BTBD8: variants seen among roughly 807,000 people sequenced by gnomAD.
The protein encoded by BTBD8 is BTB domain containing 8.
BTBD8 carries 110 observed loss-of-function variants against 162.9 expected under a neutral mutation model. That is an observed-to-expected ratio of 0.68 (90% CI 0.58 to 0.79). BTBD8 has a LOEUF of 0.79. Ranked by LOEUF, BTBD8 falls within the 30% of genes least tolerant of loss-of-function variation. The pLI is 0.00. For missense variants in BTBD8, 1,905 were observed against 2,085.4 expected, an observed-to-expected ratio of 0.91 and a Z score of 1.68; for synonymous variants, 667 against 716.1, an observed-to-expected ratio of 0.93 and a Z score of 1.10.
At position 92,088,773 on chromosome 1, in the gene BTBD8, CCTTTTAGCA is replaced by C. The variant is rs1377615562; in HGVS notation, c.226_234del (p.Leu76_Ala78del). ...CTTTGTTCAAAGCACACAAAGCAGT[CCTTTTAGCA>C]AGAGTTCCTGACTTCTATTTTCATA... On this transcript the variant is annotated inframe_deletion, in exon 2 of 18. Transcript: ENST00000636805. 1 of 1,613,102 alleles carries C rather than the reference CCTTTTAGCA, an allele frequency of 6.2e-7. No homozygotes were observed. Among genetic ancestry groups the C allele is most frequent in the South Asian group, 1.1e-5 (1 of 90,988 alleles).
At chr1:92,115,260 G>T in intron 4 of BTBD8, 1 of 475,650 alleles carries the variant, frequency 2.1e-6, no homozygotes, top group South Asian at 1.9e-5. Flanking sequence ...TCTTCTAGAT[G>T]GCAGTGATGG....
chr1:92,107,764 A>T, intron 3 of BTBD8, 120 bp from the exon 4 acceptor site: 1 of 729,134 alleles, frequency 1.4e-6, no homozygotes, highest in Non-Finnish European at 2.2e-6. Context: ...TTAATTTACC[A>T]CTTACATATT....
intron 4 of BTBD8, among the ~76,000 whole-genome samples, chr1:92,112,576 T>C (rs1460672316): frequency 6.6e-6 from 1 of 152,200 alleles, no homozygotes; most frequent in Non-Finnish European, 1.5e-5. Context: ...TATACAAAAA[T>C]AGCTTTTTTA....
At chr1:92,120,780 C>A (rs1201269147) in intron 4 of BTBD8, among the ~76,000 whole-genome samples, 1 of 152,174 alleles carries the variant, frequency 6.6e-6, no homozygotes, top group East Asian at 1.9e-4. Context: ...ATTTTGGAAT[C>A]ACCTTGTCAG....
At chr1:92,168,066 C>G (rs1411191623) in intron 11 of BTBD8, 81 bp downstream of exon 11, 1 of 1,302,018 alleles carries the variant, frequency 7.7e-7, no homozygotes, top group Non-Finnish European at 1.0e-6. Flanking sequence ...TTAAATGTTG[C>G]AGGGTCATTG....
chr1:92,111,404 G>A (rs531263839), intron 4 of BTBD8, among the ~76,000 whole-genome samples: 6 of 152,146 alleles, frequency 3.9e-5, no homozygotes, highest in Non-Finnish European at 5.9e-5. Flanking sequence ...ATTTGGTTAA[G>A]ATGTCAAATC....
intron 14 of BTBD8, 26 bp downstream of exon 14, chr1:92,177,572 A>AT: frequency 1.4e-6 from 2 of 1,392,236 alleles, no homozygotes; most frequent in Non-Finnish European, 1.9e-6. Context: ...GTAATTTTTA[A>AT]TATCTCCTGA....
At chr1:92,139,754 G>A (rs1036835919) in intron 6 of BTBD8, 2 of 238,992 alleles carry the variant, frequency 8.4e-6, no homozygotes, top group African/African-American at 4.6e-5. Context: ...TAAATTTTAG[G>A]ATATCTTTTC....
chr1:92,163,960 C>T (rs1475929612), intron 9 of BTBD8, among the ~76,000 whole-genome samples: 1 of 152,140 alleles, frequency 6.6e-6, no homozygotes, highest in Non-Finnish European at 1.5e-5. Context: ...ATAGTAAGCA[C>T]TTTGTAGATA....
chr1:92,169,581 A>C (rs1049804919), intron 12 of BTBD8, among the ~76,000 whole-genome samples: 2 of 151,828 alleles, frequency 1.3e-5, no homozygotes, highest in African/African-American at 4.8e-5. Context: ...GTTTAAAAAA[A>C]ATATCAAAAT....
Position 92,129,793 on chromosome 1 carries a change from A to C in BTBD8, c.752+17A>C, listed in dbSNP as rs1388566860. 1 of 1,594,454 alleles carries C rather than the reference A, an allele frequency of 6.3e-7. No individual in the cohort carries two copies. ...TCTTCAAGGGTAAGCATATTTTTAC[A>C]GGGCCATTTGACTGCAAATGATTGT... On this transcript the variant is annotated intron_variant, in intron 5 of 17. Transcript: ENST00000636805.
intron 9 of BTBD8, among the ~76,000 whole-genome samples, chr1:92,161,510 T>C (rs1211350722): frequency 6.6e-6 from 1 of 152,236 alleles, no homozygotes; most frequent in African/African-American, 2.4e-5. Flanking sequence ...ATTTTCCTAA[T>C]ATAGAGAGTT....
intron 4 of BTBD8, among the ~76,000 whole-genome samples, chr1:92,120,058 G>A (rs1181254684): frequency 6.6e-6 from 1 of 151,308 alleles, no homozygotes; most frequent in Non-Finnish European, 1.5e-5. Flanking sequence ...GCACCACCAC[G>A]CCCGGCTAAT....
In BTBD8 at chr1:92,145,273, A is replaced by AT. The variant is rs908692993; in HGVS notation, c.931-1900dup. The stretch of plus-strand genomic sequence containing the variant: ...AGCCACTGCACCTGGCCTACATTCA[A>AT]TTTTTTTAATACTAATATAACACTT... On this transcript the variant is annotated intron_variant, in intron 7 of 17. Coordinates refer to ENST00000636805, the MANE Select transcript of BTBD8 (RefSeq NM_001376131.1). 3.9e-5 allele frequency among the ~76,000 whole-genome samples: 6 copies of AT among 152,232 alleles called. No homozygotes were observed. In the South Asian group the frequency reaches 6.2e-4, roughly 16 times the overall value.
intron 4 of BTBD8, among the ~76,000 whole-genome samples, chr1:92,118,803 C>CTTTCTTT (rs767516943): frequency 4.2e-5 from 4 of 95,280 alleles, no homozygotes; most frequent in African/African-American, 1.9e-4. Context: ...TTCTTTCTTT[C>CTTTCTTT]TTTTTTTTTT....
intron 5 of BTBD8, among the ~76,000 whole-genome samples, chr1:92,138,365 G>T (rs1480180718): frequency 6.6e-6 from 1 of 152,152 alleles, no homozygotes; most frequent in African/African-American, 2.4e-5. Context: ...GAAAGCAAAG[G>T]TGTCACTATC....
At chr1:92,171,623 T>C (rs1281129845) in intron 13 of BTBD8, among the ~76,000 whole-genome samples, 163 bp downstream of exon 13, 1 of 152,234 alleles carries the variant, frequency 6.6e-6, no homozygotes, top group Admixed American at 6.5e-5. Flanking sequence ...ATTTAATAAA[T>C]GTTTTAAAGT....
Position 92,184,133 on chromosome 1 carries a change from C to G in BTBD8, c.5182C>G (p.Leu1728Val). 6.4e-7 allele frequency: 1 copy of G among 1,551,616 alleles called. No homozygotes were observed. Among genetic ancestry groups the G allele is most frequent in the Non-Finnish European group, 8.7e-7 (1 of 1,146,862 alleles). The part of the protein sequence containing the change: ...VPEDLSLAQY[L>V]INQTLLLARD... ...TGAAGACTTAAGTTTAGCACAGTATCTAATCAATCAGACACTACTTTTAGC... is the reference window on the plus strand; with the variant it reads ...TGAAGACTTAAGTTTAGCACAGTATGTAATCAATCAGACACTACTTTTAGC... Residue 1728 changes from leucine (L) to valine (V), a missense_variant, in exon 18 of 18, where the codon CTA (leucine) becomes GTA (valine). Physicochemically the swap from Leu to Val is conservative, Grantham distance 32. Coordinates refer to ENST00000636805, the MANE Select transcript of BTBD8 (RefSeq NM_001376131.1).
intron 4 of BTBD8, among the ~76,000 whole-genome samples, chr1:92,118,520 C>G (rs1649104411): frequency 6.6e-6 from 1 of 151,864 alleles, no homozygotes; most frequent in Non-Finnish European, 1.5e-5. Flanking sequence ...TTGTTTTCAT[C>G]TGGTTTCTCC....
Sources: allele counts gnomAD v4.1 joint callset (sites outside exome capture counted in the v4.1 genomes callset), GRCh38; gene constraint gnomAD v4.1.1; transcripts MANE v1.5; gene names NCBI Gene and HGNC (gene_info 2026-07-23, HGNC 2026-07-21).